Variants in DCHS2 observed in about 807,000 individuals in gnomAD.
DCHS2 encodes protocadherin-23.
Under a neutral mutation model 182.4 loss-of-function variants are expected in DCHS2, and 142 were observed. That is an observed-to-expected ratio of 0.78 (90% CI 0.68 to 0.89). The LOEUF (loss-of-function observed/expected upper bound fraction) is 0.89. Ranked by LOEUF, DCHS2 falls within the 40% of genes least tolerant of loss-of-function variation. The pLI, the probability that DCHS2 is intolerant of heterozygous loss-of-function variation, is 0.00. For synonymous variants in DCHS2, 1,740 were observed against 1,663.3 expected, an observed-to-expected ratio of 1.05 and a Z score of -1.12; for missense variants, 4,319 against 4,198.6, an observed-to-expected ratio of 1.03 and a Z score of -0.79.
At chr4:154,404,439 G>A (rs369866417) in intron 1 of DCHS2, among the ~76,000 whole-genome samples, 2 of 152,130 alleles carry the variant, frequency 1.3e-5, no homozygotes, top group Non-Finnish European at 2.9e-5. Context: ...GGTCCAACAC[G>A]TGATCTATGA....
intron 3 of DCHS2, among the ~76,000 whole-genome samples, chr4:154,360,991 G>A (rs185484531): frequency 2.6e-5 from 4 of 152,258 alleles, no homozygotes; most frequent in Admixed American, 2.0e-4. Context: ...CCTAGAACAC[G>A]GCCTGCTGCA....
At chr4:154,315,020 A>G (rs1453320544) in intron 10 of DCHS2, among the ~76,000 whole-genome samples, 1 of 152,210 alleles carries the variant, frequency 6.6e-6, no homozygotes. Flanking sequence ...AAACAGCCAC[A>G]GTGATGTTGA....
chr4:154,369,729 T>C (rs1006669493), intron 2 of DCHS2, among the ~76,000 whole-genome samples: 1 of 148,410 alleles, frequency 6.7e-6, no homozygotes, highest in Non-Finnish European at 1.5e-5. Flanking sequence ...TTTTGTCTTA[T>C]CATTTCTTTT....
Position 154,490,630 on chromosome 4 carries a change from G to GGGTGACGAGGAGCCTGGCAAAAGC in DCHS2, c.702_725dup (p.Leu236_Leu243dup). On this transcript the variant is annotated inframe_insertion, in exon 1 of 20. Coordinates refer to ENST00000357232, the MANE Select transcript of DCHS2 (RefSeq NM_001358235.2). ...GCAGCACCAGATCTAGAGGCTCCAGGGGTGACGAGGAGCCTGGCAAAAGCG... is the reference window on the plus strand; with the variant it reads ...GCAGCACCAGATCTAGAGGCTCCAGGGGTGACGAGGAGCCTGGCAAAAGCGGTGACGAGGAGCCTGGCAAAAGCG... 6 of 1,550,638 alleles carry GGGTGACGAGGAGCCTGGCAAAAGC rather than the reference G, an allele frequency of 3.9e-6. No homozygotes were observed. The highest frequency in any genetic ancestry group is 5.2e-6 in the Non-Finnish European group (6 of 1,146,886).
At chr4:154,477,180 G>A (rs954848549) in intron 1 of DCHS2, among the ~76,000 whole-genome samples, 6 of 152,144 alleles carry the variant, frequency 3.9e-5, no homozygotes, top group African/African-American at 1.4e-4. Context: ...TCTGGTGAGG[G>A]CCCTCCTCCT....
rs567517622 is a variant in DCHS2, at chr4:154,420,284, G to C, written c.2053-42840C>G. 1.4e-3 allele frequency among the ~76,000 whole-genome samples: 210 copies of C among 152,164 alleles called. 2 individuals are homozygous for C. The highest frequency in any genetic ancestry group is 2.6e-3 in the Non-Finnish European group (180 of 68,004). ...AGATAGATAGATAGATAGATAGATA[G>C]ATAGATAGATAGATAGATACGTACG... On this transcript the variant is annotated intron_variant, in intron 1 of 19. Transcript: ENST00000357232.
chr4:154,328,136 A>G lies in DCHS2; in HGVS notation c.3975T>C (p.Pro1325=), dbSNP rs1355587408. The change falls in exon 7 of 20, where the codon CCT becomes CCC. Residue 1325 remains proline, a synonymous_variant. Coordinates refer to ENST00000357232, the MANE Select transcript of DCHS2 (RefSeq NM_001358235.2). ...MLVTTVFAKD[P]DEGNNAEVTY... is the part of the protein sequence containing the mutation. Reference sequence around the variant, plus strand: ...TAACTTCTGCATTATTTCCTTCATCAGGATCCTTTGCAAACACAGTTGTAA... The same window carrying G: ...TAACTTCTGCATTATTTCCTTCATCGGGATCCTTTGCAAACACAGTTGTAA... The G allele has an allele frequency of 3.1e-6, 5 of 1,610,108 alleles. No individual in the cohort carries two copies. The highest frequency in any genetic ancestry group is 1.7e-5 in the Admixed American group (1 of 59,406).
intron 17 of DCHS2, among the ~76,000 whole-genome samples, chr4:154,242,377 G>A (rs1371132166): frequency 1.3e-5 from 2 of 152,156 alleles, no homozygotes; most frequent in Non-Finnish European, 2.9e-5. Context: ...GATATAATTT[G>A]TAGGAAATGT....
At chr4:154,382,470 C>A (rs1176434995) in intron 1 of DCHS2, among the ~76,000 whole-genome samples, 1 of 151,906 alleles carries the variant, frequency 6.6e-6, no homozygotes, top group East Asian at 1.9e-4. Context: ...AAAGCAATTG[C>A]AACCAAAACA....
At chr4:154,315,603 G>C in intron 10 of DCHS2, 145 bp downstream of exon 10, 2 of 1,214,598 alleles carry the variant, frequency 1.6e-6, no homozygotes, top group Non-Finnish European at 2.2e-6. Flanking sequence ...GTTTCTGTGT[G>C]GATGCAAATG....
intron 19 of DCHS2, among the ~76,000 whole-genome samples, chr4:154,237,861 G>A (rs1045741181): frequency 2.7e-4 from 41 of 152,010 alleles, no homozygotes; most frequent in Non-Finnish European, 4.3e-4. Flanking sequence ...AACTAAATCG[G>A]CCATCATTTA....
chr4:154,361,608 G>A (rs1469239526), intron 3 of DCHS2, among the ~76,000 whole-genome samples: 1 of 151,952 alleles, frequency 6.6e-6, no homozygotes, highest in Non-Finnish European at 1.5e-5. Flanking sequence ...TAAGAGAAAT[G>A]AAGGCTCAAC....
At chr4:154,437,442 CT>C (rs1733826011) in intron 1 of DCHS2, among the ~76,000 whole-genome samples, 1 of 152,174 alleles carries the variant, frequency 6.6e-6, no homozygotes, top group African/African-American at 2.4e-5. Flanking sequence ...TCTAGGCTTT[CT>C]TTGGGTAGAG....
chr4:154,435,772 C>G (rs1560756917), intron 1 of DCHS2, among the ~76,000 whole-genome samples: 1 of 152,112 alleles, frequency 6.6e-6, no homozygotes. Flanking sequence ...AGATTAGCAT[C>G]TGAAGGTTTT....
chr4:154,238,343 G>A (rs899473374), intron 19 of DCHS2, among the ~76,000 whole-genome samples: 1 of 152,136 alleles, frequency 6.6e-6, no homozygotes, highest in Non-Finnish European at 1.5e-5. Context: ...TAATCCCAAG[G>A]TTAATTTTTA....
At chr4:154,464,175 G>T (rs1179239338) in intron 1 of DCHS2, among the ~76,000 whole-genome samples, 1 of 152,126 alleles carries the variant, frequency 6.6e-6, no homozygotes, top group African/African-American at 2.4e-5. Flanking sequence ...AGATAGAGGG[G>T]ACACTGAATT....
At chr4:154,418,632 T>A (rs1482406188) in intron 1 of DCHS2, among the ~76,000 whole-genome samples, 1 of 152,210 alleles carries the variant, frequency 6.6e-6, no homozygotes, top group Non-Finnish European at 1.5e-5. Flanking sequence ...CATGCACTCT[T>A]TTTAGTTAAG....
At chr4:154,254,845 A>G (rs1336090190) in intron 16 of DCHS2, among the ~76,000 whole-genome samples, 3 of 149,194 alleles carry the variant, frequency 2.0e-5, no homozygotes, top group Non-Finnish European at 3.0e-5. Flanking sequence ...TCAGAAAAGG[A>G]AAAAAAAAAG....
At chr4:154,325,616 G>T (rs898180425) in intron 7 of DCHS2, among the ~76,000 whole-genome samples, 5 of 152,104 alleles carry the variant, frequency 3.3e-5, no homozygotes, top group African/African-American at 1.2e-4. Flanking sequence ...GGAGAATGGG[G>T]AAAGAGTCTC....
Sources: gnomAD v4.1 joint callset for allele counts (sites outside exome capture counted in the v4.1 genomes callset) on GRCh38, gnomAD v4.1.1 for gene constraint, MANE v1.5 for transcripts, NCBI Gene and HGNC (gene_info 2026-07-23, HGNC 2026-07-21) for gene names.